The following DAB1 variants were observed in gnomAD, a reference collection of about 807,000 sequenced individuals.
DAB1 encodes disabled homolog 1.
In DAB1, 15 loss-of-function variants were observed where a neutral mutation model predicts 64.6. That is an observed-to-expected ratio of 0.23 (90% CI 0.16 to 0.36). The LOEUF is 0.36. Among genes scored for constraint, DAB1 ranks in the 10% least tolerant of loss-of-function variants. DAB1 has a pLI of 1.00. For missense variants in DAB1, 596 were observed against 706.7 expected (o/e 0.84, Z 1.78); for synonymous variants, 235 against 251.9 (o/e 0.93, Z 0.64).
chr1:58,470,320 T>C (rs1645343408), intron 3 of DAB1, among the ~76,000 whole-genome samples: 1 of 151,978 alleles, frequency 6.6e-6, no homozygotes, highest in Admixed American at 6.6e-5. Context: ...ATTACAGGTG[T>C]GCAGCACCGC....
At chr1:57,401,610 A>G (rs1449244746) in intron 1 of DAB1, among the ~76,000 whole-genome samples, 1 of 152,202 alleles carries the variant, frequency 6.6e-6, no homozygotes, top group African/African-American at 2.4e-5. Context: ...GCATCACAGT[A>G]TGCATAAAAT....
intron 1 of DAB1, among the ~76,000 whole-genome samples, chr1:57,400,706 A>C (rs965200734): frequency 1.1e-4 from 17 of 152,060 alleles, no homozygotes; most frequent in African/African-American, 4.1e-4. Context: ...ATTCTCACAC[A>C]AATCCACTGC....
At chr1:57,760,416 G>A (rs1649022258) in intron 6 of DAB1, among the ~76,000 whole-genome samples, 1 of 152,004 alleles carries the variant, frequency 6.6e-6, no homozygotes, top group Non-Finnish European at 1.5e-5. Context: ...TCATTTTTGA[G>A]AGCCTGTGGT....
At chr1:57,308,764 A>G (rs1255580048) in intron 1 of DAB1, among the ~76,000 whole-genome samples, 2 of 152,218 alleles carry the variant, frequency 1.3e-5, no homozygotes, top group Middle Eastern at 3.2e-3. Flanking sequence ...AACACAAAAT[A>G]GTAATCTCAG....
chr1:58,484,107 A>G (rs901010792), intron 3 of DAB1, among the ~76,000 whole-genome samples: 6 of 152,166 alleles, frequency 3.9e-5, no homozygotes, highest in African/African-American at 1.4e-4. Flanking sequence ...TTAATACAAC[A>G]AATATTTAGA....
chr1:57,127,373 G>A (rs926033793), intron 4 of DAB1, among the ~76,000 whole-genome samples: 4 of 152,160 alleles, frequency 2.6e-5, no homozygotes, highest in East Asian at 1.9e-4. Flanking sequence ...CCCAGAGCAC[G>A]TTAATATTTG....
At chr1:57,472,138 G>A (rs74074743) in intron 7 of DAB1, among the ~76,000 whole-genome samples, 13,431 of 152,294 alleles carry the variant, frequency 0.088, 1,035 homozygotes, top group African/African-American at 0.2. Context: ...GGCAGAGCCA[G>A]GATAACAACT....
At chr1:58,076,059 C>T (rs1445145612) in intron 5 of DAB1, among the ~76,000 whole-genome samples, 1 of 152,032 alleles carries the variant, frequency 6.6e-6, no homozygotes, top group Non-Finnish European at 1.5e-5. Context: ...CTAGTCCAAT[C>T]AAATACGGCC....
intron 7 of DAB1, among the ~76,000 whole-genome samples, chr1:57,499,403 G>A: frequency 6.6e-6 from 1 of 152,168 alleles, no homozygotes; most frequent in Non-Finnish European, 1.5e-5. Flanking sequence ...GGAGGAGCTG[G>A]GAGTTTGAGG....
intron 4 of DAB1, among the ~76,000 whole-genome samples, chr1:58,321,951 C>A (rs1662694363): frequency 6.6e-6 from 1 of 152,252 alleles, no homozygotes; most frequent in African/African-American, 2.4e-5. Flanking sequence ...AATGGACAGA[C>A]TGCCTCCTCA....
chr1:57,672,272 T>TC (rs34054115), intron 6 of DAB1, among the ~76,000 whole-genome samples: 1 of 152,152 alleles, frequency 6.6e-6, no homozygotes, highest in African/African-American at 2.4e-5. Flanking sequence ...GTTATTATCA[T>TC]CCCCTGCTGA....
chr1:57,803,066 G>A (rs1318359142), intron 6 of DAB1, among the ~76,000 whole-genome samples: 13 of 152,144 alleles, frequency 8.5e-5, no homozygotes, highest in East Asian at 1.9e-4. Flanking sequence ...TCTGCCTGCC[G>A]ACCTCACTCC....
intron 4 of DAB1, among the ~76,000 whole-genome samples, chr1:57,083,167 C>G (rs760396265): frequency 3.2e-4 from 48 of 152,124 alleles, no homozygotes; most frequent in Non-Finnish European, 4.4e-4. Context: ...CCTATTATTT[C>G]CCCTACTTTA....
At chr1:58,041,212 A>G (rs1467739087) in intron 5 of DAB1, among the ~76,000 whole-genome samples, 27 of 152,198 alleles carry the variant, frequency 1.8e-4, no homozygotes, top group Non-Finnish European at 4.4e-5. Context: ...GAGCTCTCAC[A>G]TAATCTTATG....
chr1:57,820,636 G>T (rs543758142), intron 6 of DAB1, among the ~76,000 whole-genome samples: 7 of 152,150 alleles, frequency 4.6e-5, no homozygotes, highest in African/African-American at 1.4e-4. Flanking sequence ...TCAGCCAAAA[G>T]GATGGCTAAC....
At chr1:58,372,282 C>T (rs185858755) in intron 3 of DAB1, among the ~76,000 whole-genome samples, 5 of 152,324 alleles carry the variant, frequency 3.3e-5, no homozygotes, top group African/African-American at 1.2e-4. Flanking sequence ...GATTTTGGGG[C>T]TTTAAGATTT....
At chr1:57,319,990 A>G (rs1036625604) in intron 1 of DAB1, among the ~76,000 whole-genome samples, 2 of 152,222 alleles carry the variant, frequency 1.3e-5, no homozygotes, top group Admixed American at 6.5e-5. Flanking sequence ...AAAGAACTTG[A>G]GCCCCTGATA....
At chr1:57,698,090 C>CT (rs754182611) in intron 6 of DAB1, among the ~76,000 whole-genome samples, 602 of 142,958 alleles carry the variant, frequency 4.2e-3, no homozygotes, top group Middle Eastern at 0.011. Flanking sequence ...AACTTGTCCA[C>CT]TTTTTTTTTT....
intron 1 of DAB1, chr1:57,386,759 TGTGTG>T (rs1681902705): frequency 2.0e-5 from 3 of 152,040 alleles, no homozygotes; most frequent in Admixed American, 6.6e-5. Context: ...TGTGTGTGTG[TGTGTG>T]TAATGGCAGA....
Sources: gnomAD v4.1 joint callset for allele counts (sites outside exome capture counted in the v4.1 genomes callset) on GRCh38, gnomAD v4.1.1 for gene constraint, MANE v1.5 for transcripts, NCBI Gene and HGNC (gene_info 2026-07-23, HGNC 2026-07-21) for gene names.